KIF16B: variants seen among roughly 807,000 people sequenced by gnomAD.
The protein encoded by KIF16B is kinesin family member 16B.
A neutral mutation model predicts 156.3 loss-of-function variants in KIF16B; 98 were observed. The ratio of observed to expected loss-of-function variants is 0.63; its 90% CI spans 0.53 to 0.74. The LOEUF (loss-of-function observed/expected upper bound fraction) is 0.74. KIF16B is among the 30% of genes least tolerant of loss of function. The pLI is 0.00. For synonymous variants in KIF16B, 564 were observed against 583.7 expected (o/e 0.97, Z 0.49); for missense variants, 1,421 against 1,606.5 (o/e 0.88, Z 1.97).
intron 12 of KIF16B, among the ~76,000 whole-genome samples, chr20:16,432,880 C>T (rs1002001780): frequency 1.8e-4 from 28 of 152,152 alleles, no homozygotes; most frequent in African/African-American, 5.8e-4. Flanking sequence ...GGAAATGAAG[C>T]GTGTCATTGT....
chr20:16,420,072 G>A lies in KIF16B; in HGVS notation c.1612+7032C>T, dbSNP rs2066188082. Among the ~76,000 whole-genome samples the A allele has an allele frequency of 3.9e-5, 6 of 152,212 alleles. No homozygotes were observed. In the South Asian group the frequency reaches 1.2e-3, roughly 32 times the overall value. Reference sequence around the variant, plus strand: ...CTTTGGAGAATACACCAATTGAAGAGCATGTTAGATATAATGTTACATATC... The same window carrying A: ...CTTTGGAGAATACACCAATTGAAGAACATGTTAGATATAATGTTACATATC... On this transcript the variant is annotated intron_variant, in intron 15 of 25. Transcript: ENST00000354981.
intron 21 of KIF16B, 76 bp from the exon 22 acceptor site, chr20:16,370,712 T>C (rs2064797562): frequency 9.5e-7 from 1 of 1,050,802 alleles, no homozygotes; most frequent in Non-Finnish European, 1.4e-6. Flanking sequence ...CGATTACAAG[T>C]ATTTATGGGA....
intron 25 of KIF16B, among the ~76,000 whole-genome samples, chr20:16,280,841 C>CGTGTGTGTGTGTGTGTGTGTGTGT (rs1555833614): frequency 1.9e-4 from 14 of 74,464 alleles, no homozygotes; most frequent in African/African-American, 6.5e-4. Context: ...TGCGCGCGCA[C>CGTGTGTGTGTGTGTGTGTGTGTGT]GTGTGTGTGT....
rs141394364 is a variant in KIF16B at position 16,565,372 on chromosome 20, T to C, written c.47+7857A>G. On this transcript the variant is annotated intron_variant, in intron 1 of 25. Coordinates refer to ENST00000354981, the MANE Select transcript of KIF16B (RefSeq NM_024704.5). ...ATTTGACTGTACCTTCATGAGAGAA[T>C]GAAAAAATGGAATATAACATCTTAG... 2.2e-3 allele frequency among the ~76,000 whole-genome samples: 338 copies of C among 152,238 alleles called. 2 individuals carry two copies. The highest frequency in any genetic ancestry group is 7.3e-3 in the African/African-American group (305 of 41,530).
At chr20:16,572,755 C>T (rs544088468) in intron 1 of KIF16B, among the ~76,000 whole-genome samples, 6 of 152,308 alleles carry the variant, frequency 3.9e-5, no homozygotes, top group Non-Finnish European at 8.8e-5. Flanking sequence ...AAGTTAGGAA[C>T]TGCTAAGTTA....
intron 1 of KIF16B, 41 bp downstream of exon 1, chr20:16,573,188 G>A: frequency 6.5e-7 from 1 of 1,531,824 alleles, no homozygotes; most frequent in South Asian, 1.2e-5. Context: ...CCTCTGGGTG[G>A]GGGCGCGACG....
chr20:16,506,053 G>A lies in KIF16B; in HGVS notation c.837C>T (p.Leu279=), dbSNP rs2295115. 0.29 allele frequency: 466,848 copies of A among 1,613,592 alleles called. 70,004 individuals carry two copies. The highest frequency in any genetic ancestry group is 0.34 in the East Asian group (15,236 of 44,848). The part of the protein sequence containing the change: ...LKEGGNINKS[L]VTLGNVISAL... ...CAGAAATGACGTTCCCCAGAGTCAC[G>A]AGGGACTTGTTAATATTTCCCCCTT... The change falls in exon 8 of 26, where the codon CTC becomes CTT. Residue 279 remains leucine, a synonymous_variant. Transcript: ENST00000354981.
intron 12 of KIF16B, among the ~76,000 whole-genome samples, chr20:16,474,239 C>T (rs925081338): frequency 6.6e-6 from 1 of 152,164 alleles, no homozygotes; most frequent in Non-Finnish European, 1.5e-5. Flanking sequence ...CCTTTGTGAC[C>T]CCACCAATCC....
intron 12 of KIF16B, among the ~76,000 whole-genome samples, chr20:16,459,287 T>TA (rs1460778320): frequency 6.6e-6 from 1 of 152,182 alleles, no homozygotes; most frequent in Admixed American, 6.5e-5. Context: ...AATACTTGCA[T>TA]AAAATACAGA....
rs753520192 is a variant in KIF16B, at chr20:16,379,594, C to T, written c.2408G>A (p.Arg803Gln). ...DLEGIRESLL[R>Q]VKEARAGGDE... ...CCCTCCGGCACGAGCCTCCTTCACC[C>T]GCAGGAGGGATTCCCGAATGCCTTC... is the stretch of plus-strand genomic sequence containing the variant. Residue 803 changes from arginine to glutamine, a missense_variant, in exon 19 of 26, where the codon CGG (arginine) becomes CAG (glutamine). Physicochemically the swap from Arg to Gln is conservative, Grantham distance 43. Transcript: ENST00000354981. The T allele has an allele frequency of 8.1e-6, 13 of 1,613,952 alleles. No individual in the cohort carries two copies. Among genetic ancestry groups the T allele is most frequent in the Middle Eastern group, 1.6e-4 (1 of 6,084 alleles).
At chr20:16,355,572 T>C (rs2064422781) in intron 23 of KIF16B, among the ~76,000 whole-genome samples, 1 of 152,198 alleles carries the variant, frequency 6.6e-6, no homozygotes, top group African/African-American at 2.4e-5. Flanking sequence ...ATTACATCAA[T>C]ACCCTTGCTG....
chr20:16,530,043 G>A (rs1053988953), intron 1 of KIF16B, among the ~76,000 whole-genome samples: 2 of 152,132 alleles, frequency 1.3e-5, no homozygotes, highest in African/African-American at 4.8e-5. Context: ...CAACTCCCTT[G>A]CTTTGTCCAT....
intron 7 of KIF16B, among the ~76,000 whole-genome samples, chr20:16,506,741 A>T (rs2068791025): frequency 6.6e-6 from 1 of 152,098 alleles, no homozygotes; most frequent in Admixed American, 6.6e-5. Flanking sequence ...TTACATTTTG[A>T]ACCAAAATGC....
intron 1 of KIF16B, among the ~76,000 whole-genome samples, chr20:16,534,428 T>A (rs1016604476): frequency 6.6e-6 from 1 of 152,210 alleles, no homozygotes; most frequent in African/African-American, 2.4e-5. Flanking sequence ...GAGTCCCCTA[T>A]CAAATGAGTA....
chr20:16,370,109 C>T (rs2064780315), intron 22 of KIF16B, among the ~76,000 whole-genome samples: 2 of 152,178 alleles, frequency 1.3e-5, no homozygotes, highest in Admixed American at 6.5e-5. Flanking sequence ...ACATGCCTCT[C>T]AGTGGAGGAG....
chr20:16,509,803 A>G (rs115981589), intron 6 of KIF16B, among the ~76,000 whole-genome samples: 1,548 of 152,322 alleles, frequency 0.01, 38 homozygotes, highest in African/African-American at 0.035. Flanking sequence ...TCTGTCAAGT[A>G]TGATGTTTTA....
chr20:16,349,126 G>A (rs1384243939), intron 23 of KIF16B, among the ~76,000 whole-genome samples: 1 of 152,314 alleles, frequency 6.6e-6, no homozygotes, highest in East Asian at 1.9e-4. Context: ...GGCACCCTTT[G>A]TCTGCCATGG....
chr20:16,491,563 T>G (rs1046287747), intron 12 of KIF16B, among the ~76,000 whole-genome samples: 15 of 152,298 alleles, frequency 9.8e-5, no homozygotes, highest in African/African-American at 3.1e-4. Context: ...TCTGTTAACT[T>G]GGATATAAGG....
chr20:16,295,425 C>T (rs2063370683), intron 25 of KIF16B, among the ~76,000 whole-genome samples: 1 of 151,586 alleles, frequency 6.6e-6, no homozygotes, highest in African/African-American at 2.4e-5. Flanking sequence ...TAATTGATAT[C>T]TATACACATC....
Sources: allele counts gnomAD v4.1 joint callset (sites outside exome capture counted in the v4.1 genomes callset), GRCh38; gene constraint gnomAD v4.1.1; transcripts MANE v1.5; gene names NCBI Gene and HGNC (gene_info 2026-07-23, HGNC 2026-07-21).